Variants in SYNPO observed in about 807,000 individuals in gnomAD.
SYNPO encodes the protein synaptopodin.
A neutral mutation model predicts 49.5 loss-of-function variants in SYNPO; 19 were observed. The ratio of observed to expected loss-of-function variants is 0.38; its 90% CI spans 0.27 to 0.56. SYNPO has a LOEUF of 0.56. SYNPO is among the 20% of genes least tolerant of loss of function. The pLI is 0.68. For missense variants in SYNPO, 1,131 were observed against 1,248.3 expected, an observed-to-expected ratio of 0.91 and a Z score of 1.42; for synonymous variants, 536 against 548.0, an observed-to-expected ratio of 0.98 and a Z score of 0.31.
chr5:150,634,362 G>T lies in SYNPO; in HGVS notation c.401-13582G>T, dbSNP rs147533113. Among the ~76,000 whole-genome samples, 467 of 152,276 alleles carry T rather than the reference G, an allele frequency of 3.1e-3. 4 individuals are homozygous for T. The highest frequency in any genetic ancestry group is 0.011 in the African/African-American group (442 of 41,556). ...AACCCAGATCTCCAGCTCCTGGCCT[G>T]GTCCTTTCCCTCTACTGTTCAGTTG... On this transcript the variant is annotated intron_variant, in intron 2 of 2. Coordinates refer to the SYNPO transcript ENST00000394243.
chr5:150,621,543 G>T (rs540956702), intron 2 of SYNPO, among the ~76,000 whole-genome samples: 1 of 152,152 alleles, frequency 6.6e-6, no homozygotes, highest in African/African-American at 2.4e-5. Context: ...GGTTATTAGC[G>T]GATTAGGGCT....
Position 150,648,798 on chromosome 5 carries a change from A to G in SYNPO, c.523A>G (p.Thr175Ala), listed in dbSNP as rs1268864244. ...CACCAGCACCTTCTCCAGAGAAGCT[A>G]CGCTCATCCCCAGCTCCAGGCCCCC... is the stretch of plus-strand genomic sequence containing the variant. ...TTTSTFSREATLIPSSRPPAS... is the reference protein window; with the variant it reads ...TTTSTFSREAALIPSSRPPAS... The change falls in exon 2 of 3, where the codon ACG (threonine) becomes GCG (alanine). Residue 175 changes from threonine to alanine, a missense_variant. By Grantham distance (58) the Thr-to-Ala change is moderately conservative. This residue lies in a region of SYNPO where 602 missense variants were observed against 720.7 expected (regional missense o/e 0.84). Coordinates refer to ENST00000307662, the MANE Select transcript of SYNPO (RefSeq NM_007286.6). The surrounding 1 kb of genome is among the most constrained non-coding windows in gnomAD (Gnocchi z 5.0). 3.7e-6 allele frequency: 6 copies of G among 1,614,220 alleles called. No individual in the cohort carries two copies. Among genetic ancestry groups the G allele is most frequent in the Non-Finnish European group, 4.2e-6 (5 of 1,180,032 alleles).
At chr5:150,602,216 C>G (rs1156831051) in intron 1 of SYNPO, among the ~76,000 whole-genome samples, 1 of 152,216 alleles carries the variant, frequency 6.6e-6, no homozygotes. Context: ...ATGAGCCTTA[C>G]TGGGCGCCAG....
chr5:150,635,446 G>A (rs1417329230), intron 2 of SYNPO, among the ~76,000 whole-genome samples: 1 of 152,210 alleles, frequency 6.6e-6, no homozygotes, highest in East Asian at 1.9e-4. Context: ...AGAAGGAGAA[G>A]GGCCATTAAA....
chr5:150,618,348 C>G (rs1411013858), exon 2 of SYNPO: 7 of 1,532,314 alleles, frequency 4.6e-6, no homozygotes, highest in Admixed American at 2.1e-5. Context: ...TTCCCTGCAT[C>G]GCTGAGGAAG....
At chr5:150,651,953 G>A (rs1039661159) in intron 2 of SYNPO, 7 of 1,000,460 alleles carry the variant, frequency 7.0e-6, no homozygotes, top group Admixed American at 6.1e-5. Context: ...GCTGGGGGCC[G>A]AGGACCACCC....
chr5:150,613,483 C>T (rs1438456460), intron 1 of SYNPO, among the ~76,000 whole-genome samples: 1 of 152,242 alleles, frequency 6.6e-6, no homozygotes, highest in Non-Finnish European at 1.5e-5. Flanking sequence ...TTTCCTCACT[C>T]CCCTCAGCCA....
At chr5:150,618,573 C>T (rs866651057) in exon 2 of SYNPO, 2 of 1,550,642 alleles carry the variant, frequency 1.3e-6, no homozygotes, top group Middle Eastern at 3.4e-4. Context: ...GACGACTCTG[C>T]CTGCAGAGTC....
chr5:150,655,631 G>A (rs1758523445), intron 2 of SYNPO, among the ~76,000 whole-genome samples: 1 of 152,130 alleles, frequency 6.6e-6, no homozygotes, highest in Non-Finnish European at 1.5e-5. Flanking sequence ...GACCATTTTG[G>A]TTAGTTTCAT....
At chr5:150,586,386 C>A in the SYNPO span, among the ~76,000 whole-genome samples, 22 of 152,372 alleles carry the variant, frequency 1.4e-4, no homozygotes, top group Non-Finnish European at 2.9e-4. Flanking sequence ...GCCGTCTCAT[C>A]TTTCGGGTCT....
In SYNPO at chr5:150,650,106, C is replaced by G. The variant is rs757472566; in HGVS notation, c.1831C>G (p.Pro611Ala). Residue 611 changes from proline (P) to alanine (A), a missense_variant, in exon 2 of 3, where the codon CCT becomes GCT. Physicochemically the swap from Pro to Ala is conservative, Grantham distance 27 (BLOSUM62 -1). This residue lies in a region of SYNPO where 509 missense variants were observed against 484.5 expected (regional missense o/e 1.05). Coordinates refer to ENST00000307662, the MANE Select transcript of SYNPO (RefSeq NM_007286.6). ...GCCCAAGGGGGCTCTCCCTCCATCT[C>G]CTGCCCTGCCTCGGCCCTCGCGCTC... ...NLPKGALPPS[P>A]ALPRPSRSSP... is the part of the protein sequence containing the mutation. The G allele has an allele frequency of 4.3e-6, 7 of 1,613,644 alleles. No homozygotes were observed. The highest frequency in any genetic ancestry group is 2.7e-5 in the African/African-American group (2 of 74,934).
chr5:150,652,354 C>T (rs959108341), intron 2 of SYNPO: 1 of 987,616 alleles, frequency 1.0e-6, no homozygotes, highest in Non-Finnish European at 1.2e-6. Flanking sequence ...TTGCTTCTTT[C>T]TTTCTTCCGT....
chr5:150,647,546 G>A (rs541165630), intron 1 of SYNPO, among the ~76,000 whole-genome samples: 1 of 152,200 alleles, frequency 6.6e-6, no homozygotes, highest in East Asian at 1.9e-4. Flanking sequence ...TTTCAAGGAA[G>A]AGAAAGCAAG....
Position 150,650,666 on chromosome 5 carries a change from C to A in SYNPO, c.2028+363C>A, listed in dbSNP as rs956286023. ...GTAGGGATGCAGAGTCTGATGCCAG[C>A]GTCTTGCTGGGGGAGTGGCCTAGAA... On this transcript the variant is annotated intron_variant, in intron 2 of 2. Coordinates refer to ENST00000307662, the MANE Select transcript of SYNPO (RefSeq NM_007286.6). The A allele has an allele frequency of 3.5e-6, 5 of 1,419,454 alleles. No individual in the cohort carries two copies. In the African/African-American group the frequency reaches 5.8e-5, roughly 16 times the overall value. 87.9% of individuals were successfully genotyped at this position (1,419,454 alleles called of 1,614,324 possible).
rs1037730417 is a variant in SYNPO at position 150,656,628 on chromosome 5, C to T, written c.2253C>T (p.Arg751=). 11 of 1,510,700 alleles carry T rather than the reference C, an allele frequency of 7.3e-6. No individual in the cohort carries two copies. In the African/African-American group the frequency reaches 1.2e-4, roughly 16 times the overall value. 93.6% of individuals were successfully genotyped at this position (1,510,700 alleles called of 1,614,324 possible). Residue 751 remains arginine, a synonymous_variant, in exon 3 of 3, where the codon CGC becomes CGT. Coordinates refer to ENST00000307662, the MANE Select transcript of SYNPO (RefSeq NM_007286.6). Reference sequence around the variant, plus strand: ...AGACCGAGGCGCGGCCCCCCAGCCGCCAGCTGCAGGCGCTTCTGGCGCGAA... The same window carrying T: ...AGACCGAGGCGCGGCCCCCCAGCCGTCAGCTGCAGGCGCTTCTGGCGCGAA... The part of the protein sequence containing the change: ...RPETEARPPS[R]QLQALLARNI...
intron 2 of SYNPO, among the ~76,000 whole-genome samples, chr5:150,634,866 CACACACACACACAA>C (rs1561646451): frequency 1.4e-4 from 16 of 111,182 alleles, no homozygotes; most frequent in African/African-American, 5.3e-4. Flanking sequence ...ACACACACCA[CACACACACACACAA>C]AGGGGACACT....
intron 2 of SYNPO, among the ~76,000 whole-genome samples, chr5:150,620,935 TTCTTTC>T (rs1449577054): frequency 1.4e-5 from 2 of 138,452 alleles, no homozygotes; most frequent in African/African-American, 3.1e-5. Flanking sequence ...CTTTCTTTCT[TTCTTTC>T]TTTCTTTTCT....
upstream of SYNPO, among the ~76,000 whole-genome samples, chr5:150,636,803 G>T (rs1277851674): frequency 6.6e-6 from 1 of 151,796 alleles, no homozygotes; most frequent in Non-Finnish European, 1.5e-5. Context: ...GCGGGGTGGG[G>T]GGTGTTGGGA....
At chr5:150,627,012 G>A (rs2151381938) in intron 2 of SYNPO, among the ~76,000 whole-genome samples, 1 of 152,174 alleles carries the variant, frequency 6.6e-6, no homozygotes, top group Non-Finnish European at 1.5e-5. Flanking sequence ...AGGTGGGCAG[G>A]GCAGGAGTCA....
Sources: allele counts gnomAD v4.1 joint callset (sites outside exome capture counted in the v4.1 genomes callset), GRCh38; gene constraint gnomAD v4.1.1; regional missense constraint gnomAD v4.1.1; non-coding constraint Gnocchi (gnomAD v3.1); transcripts MANE v1.5; gene names NCBI Gene and HGNC (gene_info 2026-07-23, HGNC 2026-07-21).